The following GRIK4 variants were observed in gnomAD, a reference collection of about 807,000 sequenced individuals.
GRIK4 encodes glutamate ionotropic receptor kainate type subunit 4.
GRIK4 carries 40 observed loss-of-function variants against 104.9 expected under a neutral mutation model. The observed-to-expected ratio is 0.38, with a 90% CI of 0.30 to 0.50. The LOEUF (loss-of-function observed/expected upper bound fraction) is 0.50, where lower values mean the gene tolerates loss of function less well. GRIK4 is among the 20% of genes least tolerant of loss of function. The pLI, the probability that GRIK4 is intolerant of heterozygous loss-of-function variation, is 0.93. For synonymous variants in GRIK4, 485 were observed against 524.9 expected, an observed-to-expected ratio of 0.92 and a Z score of 1.04; for missense variants, 1,047 against 1,308.1, an observed-to-expected ratio of 0.80 and a Z score of 3.08.
At chr11:120,639,931 A>C (rs1949449815) in intron 1 of GRIK4, among the ~76,000 whole-genome samples, 1 of 152,034 alleles carries the variant, frequency 6.6e-6, no homozygotes, top group African/African-American at 2.4e-5. Context: ...TTTGACCCGG[A>C]TCCTATTCCC....
At chr11:120,961,798 C>G (rs1030484786) in intron 17 of GRIK4, among the ~76,000 whole-genome samples, 4 of 152,216 alleles carry the variant, frequency 2.6e-5, no homozygotes, top group Non-Finnish European at 5.9e-5. Context: ...ACCTAATATC[C>G]AAGAAGTTCA....
At position 120,967,263 on chromosome 11, in the gene GRIK4, C is replaced by T; in HGVS notation, c.2335C>T (p.Leu779=). ...GCAGGAGAACAACCGCCTGGAGATC[C>T]TGAAGCGCAAATGGTGGGAAGGAGG... ...QLQENNRLEI[L]KRKWWEGGKC... is the part of the protein sequence containing the mutation. Residue 779 remains leucine (L), a synonymous_variant, in exon 19 of 21, where the codon CTG becomes TTG. Coordinates refer to ENST00000527524, the MANE Select transcript of GRIK4 (RefSeq NM_014619.5). This position sits in a 1 kb window ranked among gnomAD's most constrained non-coding sequence, Gnocchi z 4.2. 1 of 1,613,920 alleles carries T rather than the reference C, an allele frequency of 6.2e-7. No homozygotes were observed. The highest frequency in any genetic ancestry group is 8.5e-7 in the Non-Finnish European group (1 of 1,179,858).
intron 1 of GRIK4, among the ~76,000 whole-genome samples, chr11:120,534,245 A>G (rs559738276): frequency 6.6e-6 from 1 of 152,180 alleles, no homozygotes; most frequent in African/African-American, 2.4e-5. Flanking sequence ...GGAGTCAATT[A>G]CCAAGACACT....
intron 1 of GRIK4, among the ~76,000 whole-genome samples, chr11:120,609,944 G>A (rs546358424): frequency 6.6e-6 from 1 of 152,154 alleles, no homozygotes; most frequent in South Asian, 2.1e-4. Flanking sequence ...TCTTGGACAT[G>A]TCACTTCCCC....
chr11:120,894,380 G>C (rs986325319), intron 11 of GRIK4: 8 of 152,230 alleles, frequency 5.3e-5, no homozygotes, highest in African/African-American at 1.9e-4. Context: ...TTGCGTTGCT[G>C]GTTCTGGTTG....
chr11:120,915,145 T>C (rs973098135), intron 13 of GRIK4, among the ~76,000 whole-genome samples: 3 of 152,122 alleles, frequency 2.0e-5, no homozygotes, highest in Non-Finnish European at 4.4e-5. Flanking sequence ...TAGCGATCCC[T>C]GCATGCAACC....
chr11:120,786,284 A>G (rs1371915872), intron 3 of GRIK4, among the ~76,000 whole-genome samples: 1 of 152,074 alleles, frequency 6.6e-6, no homozygotes, highest in Non-Finnish European at 1.5e-5. Flanking sequence ...CTAAAACCAT[A>G]CATGTCCAAA....
rs369153034 is a variant in GRIK4 at position 120,831,914 on chromosome 11, C to T, written c.574C>T (p.Arg192Cys). The change falls in exon 7 of 21, where the codon CGC (arginine) becomes TGC (cysteine). Residue 192 changes from arginine to cysteine, a missense_variant. Transcript: ENST00000527524. ...FLISKDTLSV[R>C]MLDDTRDPTP... ...TATCTCCAAGGACACGCTGTCCGTC[C>T]GCATGCTGGATGACACCCGGGACCC... The T allele has an allele frequency of 6.8e-6, 11 of 1,613,764 alleles. No individual in the cohort carries two copies. Among genetic ancestry groups the T allele is most frequent in the African/African-American group, 2.7e-5 (2 of 74,900 alleles).
At chr11:120,621,939 C>T (rs1026878579) in intron 1 of GRIK4, among the ~76,000 whole-genome samples, 5 of 152,014 alleles carry the variant, frequency 3.3e-5, no homozygotes, top group African/African-American at 9.7e-5. Flanking sequence ...CTCACTCTGT[C>T]GCCCAAGCTG....
intron 1 of GRIK4, among the ~76,000 whole-genome samples, chr11:120,612,263 T>C (rs1189410028): frequency 6.6e-6 from 1 of 152,210 alleles, no homozygotes; most frequent in Admixed American, 6.5e-5. Context: ...AGAGTTTAAA[T>C]GGCACTTTGT....
chr11:120,674,222 C>T lies in GRIK4; in HGVS notation c.82+13822C>T, dbSNP rs571047801. On this transcript the variant is annotated intron_variant, in intron 3 of 20. Transcript: ENST00000527524. The stretch of plus-strand genomic sequence containing the variant: ...TTCTCCATCCTAATTAGGATGTGAT[C>T]CCCCAAATCAGAAGCAGGCACTCTT... 6.6e-5 allele frequency among the ~76,000 whole-genome samples: 10 copies of T among 152,278 alleles called. No individual in the cohort carries two copies. The South Asian group carries it at 1.5e-3, about 22-fold the overall frequency.
intron 6 of GRIK4, among the ~76,000 whole-genome samples, chr11:120,822,382 A>G (rs949913937): frequency 6.6e-6 from 1 of 152,064 alleles, no homozygotes; most frequent in Non-Finnish European, 1.5e-5. Flanking sequence ...TGGTTTGGCT[A>G]GAGTCTCATA....
intron 3 of GRIK4, among the ~76,000 whole-genome samples, chr11:120,704,933 A>G (rs1950605208): frequency 6.6e-6 from 1 of 152,200 alleles, no homozygotes; most frequent in Non-Finnish European, 1.5e-5. Context: ...TTGTCCCAGA[A>G]CCATTTGTTG....
At chr11:120,963,139 C>G (rs1288600153) in intron 18 of GRIK4, among the ~76,000 whole-genome samples, 1 of 152,128 alleles carries the variant, frequency 6.6e-6, no homozygotes, top group African/African-American at 2.4e-5. Context: ...GAAAAGTTTA[C>G]TTCTAAAGGA....
intron 3 of GRIK4, among the ~76,000 whole-genome samples, chr11:120,705,237 T>C (rs11217978): frequency 0.24 from 35,866 of 151,106 alleles, 6,236 homozygotes; most frequent in African/African-American, 0.49. Context: ...CTTTTCTTTT[T>C]TTTTTTTTTT....
intron 3 of GRIK4, among the ~76,000 whole-genome samples, chr11:120,661,533 G>A (rs1002252458): frequency 1.3e-5 from 2 of 152,224 alleles, no homozygotes; most frequent in Admixed American, 1.3e-4. Flanking sequence ...AAGATGGCAC[G>A]ATGCTGAATC....
At position 120,511,834 on chromosome 11, in the gene GRIK4, C is replaced by G. The variant is rs1175051517; in HGVS notation, c.-212C>G. 2.8e-6 allele frequency: 1 copy of G among 357,584 alleles called. No individual in the cohort carries two copies. Among genetic ancestry groups the G allele is most frequent in the East Asian group, 1.5e-4 (1 of 6,564 alleles). The allele number at this position is 357,584 out of a possible 1,614,324, so 22.2% of individuals were successfully genotyped here. ...AAACGGCCAACAGCAGCCCCGCGGC[C>G]GGCCCGGCAGCGCCCGGCCCCCGGC... On this transcript the variant is annotated 5_prime_UTR_variant, in exon 1 of 21. Transcript: ENST00000527524.
At chr11:120,799,081 C>T (rs576231766) in intron 3 of GRIK4, among the ~76,000 whole-genome samples, 6 of 152,276 alleles carry the variant, frequency 3.9e-5, no homozygotes, top group East Asian at 1.9e-4. Flanking sequence ...GCAGGCCCAG[C>T]GTGACTCTGA....
At chr11:120,542,121 G>A (rs1948044000) in intron 1 of GRIK4, among the ~76,000 whole-genome samples, 1 of 152,130 alleles carries the variant, frequency 6.6e-6, no homozygotes, top group Non-Finnish European at 1.5e-5. Flanking sequence ...TAGACCAATG[G>A]AACAGAATAG....
Sources: allele counts gnomAD v4.1 joint callset (sites outside exome capture counted in the v4.1 genomes callset), GRCh38; gene constraint gnomAD v4.1.1; non-coding constraint Gnocchi (gnomAD v3.1); transcripts MANE v1.5; gene names NCBI Gene and HGNC (gene_info 2026-07-23, HGNC 2026-07-21).